The following DNAH14 variants were observed in gnomAD, a reference collection of about 807,000 sequenced individuals.
DNAH14 encodes the protein axonemal beta dynein heavy chain 14.
Under a neutral mutation model 520.9 loss-of-function variants are expected in DNAH14, and 478 were observed. The ratio of observed to expected loss-of-function variants is 0.92; its 90% CI spans 0.85 to 0.99. The LOEUF (loss-of-function observed/expected upper bound fraction) is 0.99. DNAH14 is among the 50% of genes least tolerant of loss of function. The pLI is 0.00. For missense variants in DNAH14, 4,831 were observed against 5,234.5 expected, an observed-to-expected ratio of 0.92 and a Z score of 2.38; for synonymous variants, 1,581 against 1,757.2, an observed-to-expected ratio of 0.90 and a Z score of 2.51.
intron 35 of DNAH14, among the ~76,000 whole-genome samples, chr1:225,160,585 A>G (rs2081417828): frequency 6.6e-6 from 1 of 152,164 alleles, no homozygotes; most frequent in South Asian, 2.1e-4. Flanking sequence ...TCTAAAATTT[A>G]TGAATTTAAA....
chr1:225,311,443 C>A (rs2094363111), intron 60 of DNAH14, among the ~76,000 whole-genome samples: 1 of 152,118 alleles, frequency 6.6e-6, no homozygotes, highest in Non-Finnish European at 1.5e-5. Flanking sequence ...TGCGGAAGCT[C>A]TTTAGTTTAA....
In DNAH14 at chr1:225,129,999, G is replaced by A. The variant is rs1420624312; in HGVS notation, c.4254+6385G>A. ...AAAAAACAAACAACCCCATCAAAAA[G>A]TGGGCAAGGGATATGAACAGACACT... On this transcript the variant is annotated intron_variant, in intron 27 of 85. Transcript: ENST00000682510. Among the ~76,000 whole-genome samples the A allele has an allele frequency of 2.6e-5, 4 of 152,252 alleles. No individual in the cohort carries two copies. In the East Asian group the frequency reaches 5.8e-4, roughly 22 times the overall value.
At chr1:225,029,944 A>G (rs1250611395) in intron 11 of DNAH14, among the ~76,000 whole-genome samples, 2 of 151,974 alleles carry the variant, frequency 1.3e-5, no homozygotes, top group African/African-American at 4.8e-5. Context: ...CATCATTGCA[A>G]CCCATGGATA....
At chr1:225,393,711 A>G (rs2095953959) in intron 84 of DNAH14, among the ~76,000 whole-genome samples, 1 of 152,154 alleles carries the variant, frequency 6.6e-6, no homozygotes, top group Non-Finnish European at 1.5e-5. Flanking sequence ...CCACAGGCCC[A>G]CCAGTAATGT....
chr1:225,091,680 GAAT>G (rs2074408033), intron 21 of DNAH14, among the ~76,000 whole-genome samples: 1 of 151,992 alleles, frequency 6.6e-6, no homozygotes, highest in Non-Finnish European at 1.5e-5. Context: ...AATCAAGTCT[GAAT>G]AATACCCGGC....
chr1:225,161,772 C>G (rs1475526774), intron 35 of DNAH14, among the ~76,000 whole-genome samples: 1 of 152,092 alleles, frequency 6.6e-6, no homozygotes, highest in Non-Finnish European at 1.5e-5. Context: ...TTTTGAGCAC[C>G]TTTTCATTAC....
At chr1:225,380,625 G>A (rs940060658) in intron 80 of DNAH14, among the ~76,000 whole-genome samples, 7 of 152,174 alleles carry the variant, frequency 4.6e-5, no homozygotes, top group African/African-American at 1.7e-4. Context: ...CTAGGTGCCT[G>A]TTCTCTCTGC....
intron 41 of DNAH14, among the ~76,000 whole-genome samples, chr1:225,220,771 T>C (rs533173503): frequency 1.3e-5 from 2 of 152,272 alleles, no homozygotes; most frequent in South Asian, 2.1e-4. Flanking sequence ...CAAGCTACAA[T>C]TGATTTTCTT....
chr1:225,303,183 G>C lies in DNAH14; in HGVS notation c.8659G>C (p.Val2887Leu). The C allele has an allele frequency of 6.7e-7, 1 of 1,487,482 alleles. No homozygotes were observed. Among genetic ancestry groups the C allele is most frequent in the Non-Finnish European group, 8.9e-7 (1 of 1,120,848 alleles). The allele number at this position is 1,487,482 out of a possible 1,614,324, so 92.1% of individuals were successfully genotyped here. The change falls in exon 57 of 86, where the codon GTG becomes CTG. Residue 2887 changes from valine (V) to leucine (L), a missense_variant. Physicochemically the swap from Val to Leu is conservative, Grantham distance 32. Transcript: ENST00000682510. Reference sequence around the variant, plus strand: ...AATATATAAAAATCTTCATATTTTTGTGATCATGAGTCCTGAAGGACCTAG... The same window carrying C: ...AATATATAAAAATCTTCATATTTTTCTGATCATGAGTCCTGAAGGACCTAG... ...KRIYKNLHIF[V>L]IMSPEGPSFR...
intron 23 of DNAH14, among the ~76,000 whole-genome samples, chr1:225,116,677 C>T: frequency 6.6e-6 from 1 of 152,118 alleles, no homozygotes; most frequent in East Asian, 1.9e-4. Flanking sequence ...GAGGTTGGAA[C>T]TTAACAGATG....
chr1:225,367,996 G>T lies in DNAH14; in HGVS notation c.12282G>T (p.Trp4094Cys). 5 of 1,550,344 alleles carry T rather than the reference G, an allele frequency of 3.2e-6. No individual in the cohort carries two copies. The highest frequency in any genetic ancestry group is 4.4e-6 in the Non-Finnish European group (5 of 1,146,760). The change falls in exon 77 of 86, where the codon TGG becomes TGT. Residue 4094 changes from tryptophan to cysteine, a missense_variant. Coordinates refer to ENST00000682510, the MANE Select transcript of DNAH14 (RefSeq NM_001367479.1). ...GAAAAAATTACGGAATATTGGGCTG[G>T]AATATTGCTTATAAATTTAATTCTT... The part of the protein sequence containing the change: ...NERKNYGILG[W>C]NIAYKFNSSD...
chr1:225,139,917 TC>T (rs2079278915), intron 27 of DNAH14, among the ~76,000 whole-genome samples: 1 of 152,240 alleles, frequency 6.6e-6, no homozygotes, highest in Non-Finnish European at 1.5e-5. Flanking sequence ...TTTGATCTGC[TC>T]ATCATGAGCT....
chr1:224,932,345 T>A (rs949574062), intron 1 of DNAH14, among the ~76,000 whole-genome samples: 3 of 152,152 alleles, frequency 2.0e-5, no homozygotes, highest in African/African-American at 7.2e-5. Context: ...CCTTGTATAT[T>A]ATGGATCTTG....
chr1:225,009,136 G>A (rs1014073656), intron 10 of DNAH14, among the ~76,000 whole-genome samples: 3 of 152,080 alleles, frequency 2.0e-5, no homozygotes, highest in African/African-American at 7.2e-5. Context: ...GTCAATTTTG[G>A]CTTTTGTTGC....
chr1:225,005,506 A>G (rs1239574090), intron 9 of DNAH14, among the ~76,000 whole-genome samples: 1 of 152,172 alleles, frequency 6.6e-6, no homozygotes, highest in Non-Finnish European at 1.5e-5. Flanking sequence ...GGTATAAGCA[A>G]TAAAGACTTT....
intron 77 of DNAH14, among the ~76,000 whole-genome samples, chr1:225,371,877 A>C (rs949405819): frequency 6.6e-6 from 1 of 152,216 alleles, no homozygotes; most frequent in African/African-American, 2.4e-5. Context: ...AATAAAGAAT[A>C]GCATAAATTA....
At chr1:225,188,129 A>C (rs139729098) in intron 37 of DNAH14, among the ~76,000 whole-genome samples, 7 of 151,894 alleles carry the variant, frequency 4.6e-5, no homozygotes, top group African/African-American at 1.7e-4. Context: ...TGTGATTGCT[A>C]TATAGTTTTA....
At chr1:225,235,624 T>G (rs1301078299) in intron 42 of DNAH14, among the ~76,000 whole-genome samples, 2 of 152,154 alleles carry the variant, frequency 1.3e-5, no homozygotes, top group African/African-American at 4.8e-5. Context: ...GTACCAGATC[T>G]TCTTTGTACC....
intron 80 of DNAH14, among the ~76,000 whole-genome samples, chr1:225,381,102 G>C (rs2095776031): frequency 1.3e-5 from 2 of 152,276 alleles, no homozygotes; most frequent in East Asian, 1.9e-4. Context: ...AGCTTTACTG[G>C]AACACAGCCA....
Sources: allele counts gnomAD v4.1 joint callset (sites outside exome capture counted in the v4.1 genomes callset), GRCh38; gene constraint gnomAD v4.1.1; transcripts MANE v1.5; gene names NCBI Gene and HGNC (gene_info 2026-07-23, HGNC 2026-07-21).